LRMDA: variants seen among roughly 807,000 people sequenced by gnomAD.
LRMDA encodes the protein leucine rich melanocyte differentiation associated.
Under a neutral mutation model 29.8 loss-of-function variants are expected in LRMDA, and 18 were observed. The observed-to-expected ratio is 0.60, with a 90% CI of 0.42 to 0.90. The LOEUF (loss-of-function observed/expected upper bound fraction) is 0.90. Ranked by LOEUF, LRMDA falls within the 40% of genes least tolerant of loss-of-function variation. The probability of loss-of-function intolerance (pLI) is 0.00; values close to 1 mark genes in which losing one functional copy is unlikely to be tolerated. For missense variants in LRMDA, 273 were observed against 273.9 expected (o/e 1.00, Z 0.02); for synonymous variants, 125 against 109.4 (o/e 1.14, Z -0.89).
intron 6 of LRMDA, among the ~76,000 whole-genome samples, chr10:76,410,723 G>A (rs904658549): frequency 1.3e-5 from 2 of 152,080 alleles, no homozygotes; most frequent in African/African-American, 2.4e-5. Context: ...GGAGGCCAAG[G>A]GGGGTGGATC....
At chr10:76,041,638 C>T (rs912174677) in intron 3 of LRMDA, among the ~76,000 whole-genome samples, 6 of 152,144 alleles carry the variant, frequency 3.9e-5, no homozygotes, top group East Asian at 1.9e-4. Flanking sequence ...GCTTTGGACC[C>T]GCACAACTGG....
At chr10:75,870,104 T>C (rs1845083772) in intron 2 of LRMDA, among the ~76,000 whole-genome samples, 1 of 152,190 alleles carries the variant, frequency 6.6e-6, no homozygotes, top group Non-Finnish European at 1.5e-5. Context: ...GGCCACCATC[T>C]TTTTTTGTAG....
chr10:75,920,167 A>G (rs541439268), intron 2 of LRMDA, among the ~76,000 whole-genome samples: 1 of 152,218 alleles, frequency 6.6e-6, no homozygotes, highest in African/African-American at 2.4e-5. Flanking sequence ...CTTCCCTTTC[A>G]GTGCTGGCTC....
At chr10:76,254,181 CTTG>C (rs1340155328) in intron 5 of LRMDA, among the ~76,000 whole-genome samples, 1 of 151,978 alleles carries the variant, frequency 6.6e-6, no homozygotes, top group East Asian at 1.9e-4. Context: ...ACCTTCCTTC[CTTG>C]TTGTCAATAT....
intron 6 of LRMDA, among the ~76,000 whole-genome samples, chr10:76,389,877 G>A (rs1254614678): frequency 6.6e-6 from 1 of 152,002 alleles, no homozygotes; most frequent in Non-Finnish European, 1.5e-5. Context: ...TCATCTTGTT[G>A]ATGGTCATTT....
At position 75,917,452 on chromosome 10, in the gene LRMDA, G is replaced by A. The variant is rs184844028; in HGVS notation, c.132-118556G>A. ...TGACCCCACAGCTGCATGGCCAGTAGGCCTTAGGCTAAGTTCAGGAAGGAC... is the reference window on the plus strand; with the variant it reads ...TGACCCCACAGCTGCATGGCCAGTAAGCCTTAGGCTAAGTTCAGGAAGGAC... On this transcript the variant is annotated intron_variant, in intron 2 of 6. Coordinates refer to ENST00000611255, the MANE Select transcript of LRMDA (RefSeq NM_001305581.2). Among the ~76,000 whole-genome samples the A allele has an allele frequency of 2.0e-4, 30 of 152,314 alleles. No individual in the cohort carries two copies. In the East Asian group the frequency reaches 5.2e-3, roughly 27 times the overall value.
chr10:75,647,826 C>CTT (rs1252396510), intron 2 of LRMDA, among the ~76,000 whole-genome samples: 7 of 152,256 alleles, frequency 4.6e-5, no homozygotes, highest in Non-Finnish European at 7.4e-5. Context: ...GTCTCTAGGT[C>CTT]TCTCTTAGTC....
At chr10:76,228,763 C>A (rs1204245911) in intron 5 of LRMDA, among the ~76,000 whole-genome samples, 1 of 152,156 alleles carries the variant, frequency 6.6e-6, no homozygotes, top group Admixed American at 6.5e-5. Context: ...CATCTTATAA[C>A]CTCCAGAATA....
chr10:76,359,196 A>G (rs1841279389), intron 6 of LRMDA, among the ~76,000 whole-genome samples: 1 of 152,216 alleles, frequency 6.6e-6, no homozygotes, highest in Admixed American at 6.5e-5. Context: ...CTAACAGACC[A>G]GACTAATGCT....
chr10:75,847,556 C>T (rs918220567), intron 2 of LRMDA, among the ~76,000 whole-genome samples: 1 of 152,048 alleles, frequency 6.6e-6, no homozygotes, highest in Admixed American at 6.5e-5. Context: ...ATTAACAGAA[C>T]AAAATGGCAG....
chr10:75,517,292 G>A (rs1362275418), intron 2 of LRMDA, among the ~76,000 whole-genome samples: 1 of 152,182 alleles, frequency 6.6e-6, no homozygotes, highest in Non-Finnish European at 1.5e-5. Flanking sequence ...ACCTTGGGCA[G>A]TATGGCCATT....
chr10:76,492,752 CAGA>C (rs1012012007), intron 6 of LRMDA, among the ~76,000 whole-genome samples: 36 of 152,096 alleles, frequency 2.4e-4, no homozygotes, highest in Middle Eastern at 3.4e-3. Context: ...CTTCACAGGG[CAGA>C]AGGAGAGAGA....
At chr10:76,324,551 TG>T in intron 6 of LRMDA, 66 bp downstream of exon 6, 1 of 1,434,548 alleles carries the variant, frequency 7.0e-7, no homozygotes, top group Non-Finnish European at 9.8e-7. Flanking sequence ...TGCAGAGCTC[TG>T]GCTCATTACT....
At chr10:75,670,818 G>T (rs543965355) in intron 2 of LRMDA, among the ~76,000 whole-genome samples, 2 of 152,276 alleles carry the variant, frequency 1.3e-5, no homozygotes, top group African/African-American at 4.8e-5. Flanking sequence ...TGGGCCTTCT[G>T]AGGGGTGGAG....
intron 5 of LRMDA, among the ~76,000 whole-genome samples, chr10:76,295,666 GC>G (rs1378747511): frequency 6.6e-6 from 1 of 152,116 alleles, no homozygotes; most frequent in African/African-American, 2.4e-5. Flanking sequence ...ACCAATAAGT[GC>G]TAAAAGGACT....
intron 5 of LRMDA, among the ~76,000 whole-genome samples, chr10:76,222,640 A>C (rs1002286737): frequency 2.0e-5 from 3 of 152,206 alleles, no homozygotes; most frequent in African/African-American, 7.2e-5. Context: ...GAGGATGTGG[A>C]GAAATAGGAA....
chr10:76,097,812 T>C (rs1277017422), intron 5 of LRMDA, among the ~76,000 whole-genome samples: 2 of 152,180 alleles, frequency 1.3e-5, no homozygotes, highest in African/African-American at 4.8e-5. Flanking sequence ...TTGCTAGATT[T>C]GATTTATTAA....
intron 5 of LRMDA, among the ~76,000 whole-genome samples, chr10:76,128,845 A>G (rs1295517179): frequency 2.0e-5 from 3 of 152,142 alleles, no homozygotes; most frequent in Non-Finnish European, 4.4e-5. Flanking sequence ...AGCAGGATGT[A>G]TTCTATCTAA....
chr10:75,853,006 G>T (rs1481708911), intron 2 of LRMDA, among the ~76,000 whole-genome samples: 5 of 152,028 alleles, frequency 3.3e-5, no homozygotes, highest in Non-Finnish European at 7.4e-5. Flanking sequence ...CTGAGCAAAG[G>T]GGGAAAAGCC....
Sources: allele counts gnomAD v4.1 joint callset (sites outside exome capture counted in the v4.1 genomes callset), GRCh38; gene constraint gnomAD v4.1.1; transcripts MANE v1.5; gene names NCBI Gene and HGNC (gene_info 2026-07-23, HGNC 2026-07-21).